Variants in SMAD7 observed in about 807,000 individuals in gnomAD.
The protein encoded by SMAD7 is SMAD family member 7.
Under a neutral mutation model 38.7 loss-of-function variants are expected in SMAD7, and 8 were observed. The ratio of observed to expected loss-of-function variants is 0.21; its 90% CI spans 0.12 to 0.37. The LOEUF is 0.37. Among genes scored for constraint, SMAD7 ranks in the 10% least tolerant of loss-of-function variants. The pLI is 1.00. For missense variants in SMAD7, 477 were observed against 577.9 expected (o/e 0.83, Z 1.79); for synonymous variants, 327 against 265.1 (o/e 1.23, Z -2.27).
At chr18:48,949,752 G>A (rs2070239227) in intron 1 of SMAD7, 60 bp downstream of exon 1, 20 of 1,505,116 alleles carry the variant, frequency 1.3e-5, no homozygotes, top group Non-Finnish European at 1.8e-5. Flanking sequence ...CTGCCCTAGG[G>A]GCTTTTCTTC....
At position 48,923,349 on chromosome 18, in the gene SMAD7, G is replaced by A. The variant is rs146170359; in HGVS notation, c.743-1439C>T. On this transcript the variant is annotated intron_variant, in intron 3 of 3. Transcript: ENST00000262158. ...TTGCACCCTGCAGGGGGTCCATGGC[G>A]GAAGATGGGGCCGCATCCTGCTGCC... 2.8e-4 allele frequency among the ~76,000 whole-genome samples: 42 copies of A among 152,300 alleles called. No individual in the cohort carries two copies. The East Asian group carries it at 4.2e-3, about 15-fold the overall frequency.
At chr18:48,946,061 G>GTT (rs2070191509) in intron 2 of SMAD7, among the ~76,000 whole-genome samples, 1 of 152,196 alleles carries the variant, frequency 6.6e-6, no homozygotes, top group Non-Finnish European at 1.5e-5. Flanking sequence ...GCAAAATGGA[G>GTT]TTCCTAGCTT....
intron 1 of SMAD7, chr18:48,949,314 C>G: frequency 2.0e-6 from 2 of 981,498 alleles, no homozygotes; most frequent in Non-Finnish European, 2.4e-6. Flanking sequence ...TGGTGTTCGA[C>G]GTGATTCTCC....
chr18:48,925,437 C>CG, intron 3 of SMAD7, among the ~76,000 whole-genome samples: 1 of 152,022 alleles, frequency 6.6e-6, no homozygotes, highest in Middle Eastern at 3.4e-3. Flanking sequence ...GTGTTGCCCC[C>CG]CCCCAACCTT....
At chr18:48,922,005 C>T (rs1391755858) in intron 3 of SMAD7, 95 bp from the exon 4 acceptor site, 2 of 952,152 alleles carry the variant, frequency 2.1e-6, no homozygotes, top group Non-Finnish European at 3.1e-6. Flanking sequence ...CAGTCACCAG[C>T]TCATCTCTCA....
chr18:48,940,648 AG>A (rs2070127487), intron 3 of SMAD7, among the ~76,000 whole-genome samples: 1 of 152,128 alleles, frequency 6.6e-6, no homozygotes, highest in Non-Finnish European at 1.5e-5. Flanking sequence ...GCTACTTGGG[AG>A]GCTGAGGCAG....
chr18:48,936,098 A>AC (rs1568302139), intron 3 of SMAD7, among the ~76,000 whole-genome samples: 2 of 32,756 alleles, frequency 6.1e-5, no homozygotes, highest in African/African-American at 2.0e-4. Context: ...ACACACACAC[A>AC]CACACACACA....
chr18:48,948,274 C>G (rs544323287), intron 2 of SMAD7, 110 bp downstream of exon 2: 12 of 661,266 alleles, frequency 1.8e-5, no homozygotes, highest in Non-Finnish European at 3.1e-5. Context: ...CTAGAACCAA[C>G]GTGAAGCCCA....
At chr18:48,930,037 C>T in intron 3 of SMAD7, 1 of 152,126 alleles carries the variant, frequency 6.6e-6, no homozygotes, top group Non-Finnish European at 1.5e-5. Context: ...CCAATAAATT[C>T]CAATGCAGGA....
chr18:48,942,781 A>G (rs2143809992), intron 2 of SMAD7: 5 of 1,385,550 alleles, frequency 3.6e-6, no homozygotes, highest in Non-Finnish European at 4.7e-6. Flanking sequence ...CCAGTTAATC[A>G]TTACTCGAGT....
intron 3 of SMAD7, among the ~76,000 whole-genome samples, chr18:48,927,201 G>A (rs976797796): frequency 1.3e-5 from 2 of 152,184 alleles, no homozygotes; most frequent in African/African-American, 4.8e-5. Context: ...TAAACTGCGA[G>A]TTAATCAGAA....
intron 2 of SMAD7, among the ~76,000 whole-genome samples, chr18:48,944,645 C>T (rs1169405106): frequency 2.6e-5 from 4 of 152,222 alleles, no homozygotes; most frequent in African/African-American, 9.7e-5. Flanking sequence ...CCCAGGCAGG[C>T]TATGGAGTCC....
chr18:48,923,145 AG>A (rs1330031782), intron 3 of SMAD7, among the ~76,000 whole-genome samples: 1 of 152,114 alleles, frequency 6.6e-6, no homozygotes, highest in African/African-American at 2.4e-5. Flanking sequence ...GGGACAGCAG[AG>A]GGGGAAAAGC....
chr18:48,938,356 C>T (rs892764888), intron 3 of SMAD7, among the ~76,000 whole-genome samples: 1 of 152,196 alleles, frequency 6.6e-6, no homozygotes, highest in African/African-American at 2.4e-5. Context: ...AGGCATGGTG[C>T]CGGGTCTCTC....
chr18:48,928,753 GTCCCACACCACC>G (rs914635093), intron 3 of SMAD7, among the ~76,000 whole-genome samples: 4 of 152,090 alleles, frequency 2.6e-5, no homozygotes, highest in Admixed American at 1.3e-4. Context: ...CCCCAAACTG[GTCCCACACCACC>G]TCCCAAAACC....
intron 3 of SMAD7, among the ~76,000 whole-genome samples, chr18:48,937,733 G>A (rs1046878920): frequency 6.6e-5 from 10 of 152,166 alleles, no homozygotes; most frequent in African/African-American, 9.7e-5. Flanking sequence ...GTTCTAGGCC[G>A]TCATTTCTCA....
chr18:48,944,854 G>A (rs879533152), intron 2 of SMAD7, among the ~76,000 whole-genome samples: 53 of 152,174 alleles, frequency 3.5e-4, no homozygotes, highest in Non-Finnish European at 3.4e-4. Context: ...CCTGACTCAC[G>A]CAACACTAAG....
intron 2 of SMAD7, among the ~76,000 whole-genome samples, chr18:48,946,288 T>A (rs1286427516): frequency 2.0e-5 from 3 of 152,148 alleles, no homozygotes; most frequent in Non-Finnish European, 2.9e-5. Flanking sequence ...AGAATGTAAA[T>A]GGTCCATGTA....
intron 2 of SMAD7, among the ~76,000 whole-genome samples, chr18:48,946,727 T>C (rs1239348081): frequency 6.6e-6 from 1 of 152,180 alleles, no homozygotes; most frequent in East Asian, 1.9e-4. Context: ...CTACCTAATG[T>C]CAACACTTGC....
Sources: gnomAD v4.1 joint callset for allele counts (sites outside exome capture counted in the v4.1 genomes callset) on GRCh38, gnomAD v4.1.1 for gene constraint, MANE v1.5 for transcripts, NCBI Gene and HGNC (gene_info 2026-07-23, HGNC 2026-07-21) for gene names.